PDE4DIP: variants seen among roughly 807,000 people sequenced by gnomAD.
The protein encoded by PDE4DIP is phosphodiesterase 4D interacting protein.
Under a neutral mutation model 221.4 loss-of-function variants are expected in PDE4DIP, and 59 were observed. The observed-to-expected ratio is 0.27, with a 90% CI of 0.22 to 0.33. The LOEUF (loss-of-function observed/expected upper bound fraction) is 0.33. Among genes scored for constraint, PDE4DIP ranks in the 10% least tolerant of loss-of-function variants. The probability of loss-of-function intolerance (pLI) is 1.00; values close to 1 mark genes in which losing one functional copy is unlikely to be tolerated. For synonymous variants in PDE4DIP, 404 were observed against 815.9 expected (o/e 0.50, Z 8.60); for missense variants, 1,036 against 2,154.2 (o/e 0.48, Z 10.28).
intron 1 of PDE4DIP, among the ~76,000 whole-genome samples, chr1:148,924,008 AG>A (rs1348555935): frequency 2.0e-5 from 3 of 151,764 alleles, no homozygotes; most frequent in Non-Finnish European, 4.4e-5. Context: ...GCTGAGAGGC[AG>A]TATCTTAATA....
intron 1 of PDE4DIP, among the ~76,000 whole-genome samples, chr1:148,907,075 C>T (rs2042014555): frequency 6.6e-6 from 1 of 150,904 alleles, no homozygotes; most frequent in South Asian, 2.1e-4. Context: ...AACAAAAAAA[C>T]AATAGTTACT....
chr1:148,922,960 T>TG (rs1220334909), intron 1 of PDE4DIP, among the ~76,000 whole-genome samples: 1 of 140,354 alleles, frequency 7.1e-6, no homozygotes, highest in African/African-American at 2.7e-5. Context: ...TTTTTCGAGA[T>TG]GGAGTTTCGC....
chr1:148,927,789 G>A (rs1361867), intron 1 of PDE4DIP, among the ~76,000 whole-genome samples: 26 of 152,128 alleles, frequency 1.7e-4, no homozygotes, highest in South Asian at 4.2e-4. Flanking sequence ...GCATGCTAAC[G>A]TTTAAGCTGA....
chr1:149,006,149 GAATT>G (rs1553597835), intron 27 of PDE4DIP, among the ~76,000 whole-genome samples: 2 of 150,286 alleles, frequency 1.3e-5, no homozygotes, highest in African/African-American at 2.4e-5. Flanking sequence ...AAAAAAAAAA[GAATT>G]AATACAAGTG....
At chr1:148,953,465 G>C (rs1419207896) in intron 5 of PDE4DIP, 1 of 1,608,698 alleles carries the variant, frequency 6.2e-7, no homozygotes, top group African/African-American at 1.3e-5. Flanking sequence ...GGTACCCCCA[G>C]ATGGAGAAAG....
chr1:148,996,524 A>G (rs1476777375), intron 22 of PDE4DIP, among the ~76,000 whole-genome samples: 1 of 152,130 alleles, frequency 6.6e-6, no homozygotes, highest in African/African-American at 2.4e-5. Context: ...ACAAAGTCCA[A>G]GTAAGATTGG....
At chr1:149,023,726 A>G (rs587602268) in intron 37 of PDE4DIP, among the ~76,000 whole-genome samples, 1 of 93,206 alleles carries the variant, frequency 1.1e-5, no homozygotes, top group African/African-American at 4.2e-5. Context: ...ATGTGTGCAC[A>G]TATATATGTA....
At chr1:148,962,319 C>T (rs370737313) in intron 8 of PDE4DIP, 31 bp downstream of exon 11, 75 of 1,535,172 alleles carry the variant, frequency 4.9e-5, no homozygotes, top group East Asian at 4.5e-5. Flanking sequence ...ACAGGAGAGA[C>T]TTCAGTTGGG....
rs587762390 is a variant in PDE4DIP, at chr1:148,959,107, C to T, written c.637-1547C>T. Among the ~76,000 whole-genome samples the T allele has an allele frequency of 2.0e-5, 3 of 152,274 alleles. No individual in the cohort carries two copies. In the South Asian group the frequency reaches 6.2e-4, roughly 32 times the overall value. ...TCCTGTTTTGCCGCACAGGGCTTGT[C>T]CATAATATTTTTTGCATTTCCTTGT... On this transcript the variant is annotated intron_variant, in intron 5 of 43. Transcript: ENST00000369354.
intron 23 of PDE4DIP, among the ~76,000 whole-genome samples, chr1:149,000,454 C>T (rs2065361007): frequency 6.6e-6 from 1 of 151,736 alleles, no homozygotes. Context: ...ACTCGGGAGG[C>T]TGAGGCAGCA....
intron 1 of PDE4DIP, among the ~76,000 whole-genome samples, chr1:148,923,196 C>T (rs1553463088): frequency 7.0e-6 from 1 of 143,518 alleles, no homozygotes; most frequent in South Asian, 2.4e-4. Context: ...CCTCAGCCTC[C>T]CAAAGTGCTG....
chr1:148,954,982 G>A (rs1344063454), intron 5 of PDE4DIP, among the ~76,000 whole-genome samples: 3 of 151,944 alleles, frequency 2.0e-5, no homozygotes, highest in African/African-American at 7.2e-5. Context: ...TAGTTCTATG[G>A]TATGTATACT....
chr1:148,998,476 C>A (rs1553569546), intron 23 of PDE4DIP, 101 bp downstream of exon 26: 1 of 584,406 alleles, frequency 1.7e-6, no homozygotes, highest in East Asian at 2.8e-5. Context: ...TCTACAAATT[C>A]TTTAGATAAA....
intron 5 of PDE4DIP, chr1:148,952,415 C>T: frequency 9.2e-7 from 1 of 1,086,734 alleles, no homozygotes; most frequent in Non-Finnish European, 1.1e-6. Flanking sequence ...CGGCCGGCCG[C>T]TGCTGCTCCG....
chr1:149,023,835 C>T lies in PDE4DIP; in HGVS notation c.6086-610C>T, dbSNP rs6676564. Reference sequence around the variant, plus strand: ...ATATATATGTACATGTATATGTGTGCACATATATACACCTATATATAGTAT... The same window carrying T: ...ATATATATGTACATGTATATGTGTGTACATATATACACCTATATATAGTAT... On this transcript the variant is annotated intron_variant, in intron 37 of 43. Coordinates refer to ENST00000369354, the Ensembl canonical transcript of PDE4DIP. 1.0e-4 allele frequency among the ~76,000 whole-genome samples: 15 copies of T among 145,100 alleles called. 1 individual carries two copies. The highest frequency in any genetic ancestry group is 3.5e-4 in the African/African-American group (14 of 39,476).
At chr1:149,030,066 A>C (rs1310337771) in intron 42 of PDE4DIP, 141 bp downstream of exon 45, 6 of 1,101,342 alleles carry the variant, frequency 5.4e-6, no homozygotes, top group East Asian at 5.0e-5. Flanking sequence ...CTCCTGTACC[A>C]GGAGCAATTG....
chr1:148,864,481 G>T (rs1553405051), intron 2 of PDE4DIP, among the ~76,000 whole-genome samples: 1 of 128,406 alleles, frequency 7.8e-6, no homozygotes, highest in Admixed American at 7.8e-5. Context: ...ATTCTTTTGG[G>T]GTCTATTTTC....
chr1:149,032,189 C>T, exon 44 of PDE4DIP: 1 of 977,870 alleles, frequency 1.0e-6, no homozygotes, highest in Non-Finnish European at 1.6e-6. Flanking sequence ...GAAAGCCTTT[C>T]TGACGGCTAT....
chr1:148,955,596 C>T (rs1232095993), intron 5 of PDE4DIP, among the ~76,000 whole-genome samples: 3 of 151,072 alleles, frequency 2.0e-5, no homozygotes, highest in Admixed American at 6.6e-5. Context: ...TAATTCTATA[C>T]ATTAAACCCC....
Sources: gnomAD v4.1 joint callset for allele counts (sites outside exome capture counted in the v4.1 genomes callset) on GRCh38, gnomAD v4.1.1 for gene constraint, MANE v1.5 for transcripts, NCBI Gene and HGNC (gene_info 2026-07-23, HGNC 2026-07-21) for gene names.